Variants in SCARA5 observed in about 807,000 individuals in gnomAD.
SCARA5 encodes scavenger receptor class A member 5, also known as scavenger receptor class A, member 5 (putative).
A neutral mutation model predicts 46.3 loss-of-function variants in SCARA5; 45 were observed. The observed-to-expected ratio is 0.97, with a 90% CI of 0.76 to 1.24. The LOEUF (loss-of-function observed/expected upper bound fraction) is 1.24, where lower values mean the gene tolerates loss of function less well. Among genes scored for constraint, SCARA5 ranks in the 50% most tolerant of loss-of-function variants. The pLI is 0.00. For synonymous variants in SCARA5, 333 were observed against 306.5 expected (o/e 1.09, Z -0.90); for missense variants, 680 against 689.0 (o/e 0.99, Z 0.15).
At chr8:27,950,709 G>A (rs149842331) in intron 3 of SCARA5, among the ~76,000 whole-genome samples, 3 of 152,180 alleles carry the variant, frequency 2.0e-5, no homozygotes, top group Non-Finnish European at 4.4e-5. Context: ...AACACATGGG[G>A]ACTAGGGCAG....
rs185302865 is a variant in SCARA5, at chr8:27,937,231, C to T, written c.242-14986G>A. ...AAACCAAGTTCCAGGAGGTGTAACC[C>T]GGCAGGGCTCACCCCAGCTATACCT... On this transcript the variant is annotated intron_variant, in intron 3 of 8. Transcript: ENST00000354914. Among the ~76,000 whole-genome samples, 152 of 152,270 alleles carry T rather than the reference C, an allele frequency of 1.0e-3. 3 individuals are homozygous for T. Among genetic ancestry groups the T allele is most frequent in the Admixed American group, 9.5e-3 (145 of 15,292 alleles).
intron 3 of SCARA5, among the ~76,000 whole-genome samples, chr8:27,936,240 A>G (rs1181255560): frequency 6.6e-6 from 1 of 152,072 alleles, no homozygotes; most frequent in Non-Finnish European, 1.5e-5. Context: ...CTACATAGGT[A>G]TGGTATCCTG....
At chr8:27,988,030 C>T (rs956865065) in intron 1 of SCARA5, among the ~76,000 whole-genome samples, 2 of 152,098 alleles carry the variant, frequency 1.3e-5, no homozygotes, top group Non-Finnish European at 2.9e-5. Flanking sequence ...CTCAGAAGCC[C>T]GGGGCATGCC....
chr8:27,982,737 C>A (rs1351069135), intron 2 of SCARA5, among the ~76,000 whole-genome samples: 1 of 152,126 alleles, frequency 6.6e-6, no homozygotes, highest in Non-Finnish European at 1.5e-5. Flanking sequence ...CCTGCGGGGC[C>A]TTGAAGGATG....
At chr8:27,963,016 G>A (rs1334146958) in intron 3 of SCARA5, among the ~76,000 whole-genome samples, 1 of 152,208 alleles carries the variant, frequency 6.6e-6, no homozygotes, top group Non-Finnish European at 1.5e-5. Context: ...CAGTGGTCTT[G>A]CTACATTGCT....
At chr8:27,912,061 G>A (rs1441518236) in intron 4 of SCARA5, among the ~76,000 whole-genome samples, 1 of 152,126 alleles carries the variant, frequency 6.6e-6, no homozygotes, top group South Asian at 2.1e-4. Context: ...AGGGAACGTG[G>A]CCCTGTGGAT....
chr8:27,906,181 G>A (rs1003582780), intron 6 of SCARA5, among the ~76,000 whole-genome samples: 5 of 152,242 alleles, frequency 3.3e-5, no homozygotes, highest in African/African-American at 9.6e-5. Context: ...TAGACATGGA[G>A]TGGGAATGAT....
chr8:27,931,833 T>C (rs1039543969), intron 3 of SCARA5, among the ~76,000 whole-genome samples: 2 of 152,058 alleles, frequency 1.3e-5, no homozygotes, highest in Non-Finnish European at 2.9e-5. Flanking sequence ...TTTTGTATTT[T>C]CAGTAGAGAC....
intron 2 of SCARA5, among the ~76,000 whole-genome samples, chr8:27,972,253 G>T (rs1456152495): frequency 6.6e-6 from 1 of 151,992 alleles, no homozygotes; most frequent in Non-Finnish European, 1.5e-5. Flanking sequence ...GGAGGCAGAG[G>T]CTGCAGTGAA....
chr8:27,909,800 G>T (rs1241138489), intron 4 of SCARA5, 57 bp from the exon 5 acceptor site: 4 of 1,222,336 alleles, frequency 3.3e-6, no homozygotes, highest in South Asian at 1.3e-5. Flanking sequence ...ACAGGACCAG[G>T]TCATCTGTAG....
rs112072499 is a variant in SCARA5 at position 27,984,614 on chromosome 8, A to C, written c.112+2890T>G. Among the ~76,000 whole-genome samples the C allele has an allele frequency of 7.5e-4, 114 of 152,106 alleles. 1 individual carries two copies. The highest frequency in any genetic ancestry group is 2.6e-3 in the African/African-American group (108 of 41,476). ...CATTCATCCATCCATTCATCCATCC[A>C]TCCATGCATCCATCCATCCATTCAT... On this transcript the variant is annotated intron_variant, in intron 2 of 8. Transcript: ENST00000354914.
intron 7 of SCARA5, among the ~76,000 whole-genome samples, chr8:27,892,960 G>A (rs1160308213): frequency 1.3e-5 from 2 of 152,064 alleles, no homozygotes; most frequent in Non-Finnish European, 2.9e-5. Context: ...AACAGGGCAT[G>A]TCAAGGACTT....
intron 7 of SCARA5, among the ~76,000 whole-genome samples, chr8:27,902,478 A>T (rs1010561755): frequency 6.6e-6 from 1 of 152,200 alleles, no homozygotes; most frequent in Admixed American, 6.5e-5. Context: ...CCTCCACAGC[A>T]TGGGGAACGC....
At chr8:27,985,907 A>C (rs1808698653) in intron 2 of SCARA5, among the ~76,000 whole-genome samples, 1 of 152,250 alleles carries the variant, frequency 6.6e-6, no homozygotes, top group East Asian at 1.9e-4. Flanking sequence ...GTTCTGGTCC[A>C]AATGAGCTTT....
Position 27,921,769 on chromosome 8 carries a change from G to C in SCARA5, c.718C>G (p.Leu240Val). 2 of 1,576,812 alleles carry C rather than the reference G, an allele frequency of 1.3e-6. No homozygotes were observed. Among genetic ancestry groups the C allele is most frequent in the Non-Finnish European group, 8.6e-7 (1 of 1,165,170 alleles). Reference sequence around the variant, plus strand: ...AGGTCCTGCAGCCGCGTGCGGTGGAGGGCCACGTCGTAGGACAGGCTGTGG... The same window carrying C: ...AGGTCCTGCAGCCGCGTGCGGTGGACGGCCACGTCGTAGGACAGGCTGTGG... ...LNHSLSYDVA[L>V]HRTRLQDLRV... Residue 240 changes from leucine to valine, a missense_variant, in exon 4 of 9, where the codon CTC (leucine) becomes GTC (valine). This residue lies in a region of SCARA5 where 438 missense variants were observed against 384.5 expected (regional missense o/e 1.14). Transcript: ENST00000354914.
rs147803796 is a variant in SCARA5 at position 27,921,624 on chromosome 8, C to T, written c.863G>A (p.Arg288His). ...AMLNAVTEDL[R>H]LKDWEHSIAL... Reference sequence around the variant, plus strand: ...GATGGAGTGCTCCCAGTCCTTGAGGCGCAGGTCCTCGGTGACCGCGTTGAG... The same window carrying T: ...GATGGAGTGCTCCCAGTCCTTGAGGTGCAGGTCCTCGGTGACCGCGTTGAG... The change falls in exon 4 of 9, where the codon CGC becomes CAC. Residue 288 changes from arginine to histidine, a missense_variant. Arg to His is a conservative substitution (Grantham distance 29). This residue lies in a region of SCARA5 where 438 missense variants were observed against 384.5 expected (regional missense o/e 1.14). Transcript: ENST00000354914. The T allele has an allele frequency of 5.0e-5, 80 of 1,597,166 alleles. No homozygotes were observed. The highest frequency in any genetic ancestry group is 1.6e-5 in the Non-Finnish European group (19 of 1,170,608).
intron 8 of SCARA5, among the ~76,000 whole-genome samples, chr8:27,876,029 A>C (rs1026395302): frequency 6.6e-5 from 10 of 152,100 alleles, no homozygotes. Flanking sequence ...GATCCCCAGC[A>C]GCCATGAGAA....
Position 27,875,751 on chromosome 8 carries a change from GA to G in SCARA5, c.1352-3682del, listed in dbSNP as rs369726718. ...TCCTCTGAGGACCCAGGCAGGGAGT[GA>G]GGTGACCAGGCACTCGTTTTAGAAA... On this transcript the variant is annotated intron_variant, in intron 8 of 8. Coordinates refer to ENST00000354914, the MANE Select transcript of SCARA5 (RefSeq NM_173833.6). Among the ~76,000 whole-genome samples the G allele has an allele frequency of 1.5e-3, 225 of 152,306 alleles. 1 individual carries two copies. The highest frequency in any genetic ancestry group is 5.0e-3 in the African/African-American group (209 of 41,562).
At chr8:27,878,909 T>G (rs1332280701) in intron 8 of SCARA5, among the ~76,000 whole-genome samples, 5 of 152,154 alleles carry the variant, frequency 3.3e-5, no homozygotes, top group Non-Finnish European at 5.9e-5. Flanking sequence ...GGCAACATAG[T>G]GAGACCTCAT....
Sources: gnomAD v4.1 joint callset for allele counts (sites outside exome capture counted in the v4.1 genomes callset) on GRCh38, gnomAD v4.1.1 for gene constraint, gnomAD v4.1.1 regional missense constraint, MANE v1.5 for transcripts, NCBI Gene and HGNC (gene_info 2026-07-23, HGNC 2026-07-21) for gene names.